TUSC3: variants seen among roughly 807,000 people sequenced by gnomAD.
TUSC3 encodes dolichyl-diphosphooligosaccharide--protein glycosyltransferase subunit TUSC3.
Under a neutral mutation model 44.8 loss-of-function variants are expected in TUSC3, and 45 were observed. That is an observed-to-expected ratio of 1.00 (90% confidence interval 0.79 to 1.29). The LOEUF (loss-of-function observed/expected upper bound fraction) is 1.29. TUSC3 is among the 50% of genes most tolerant of loss of function. TUSC3 has a pLI of 0.00. For missense variants in TUSC3, 519 were observed against 437.9 expected (o/e 1.19, Z -1.65); for synonymous variants, 212 against 152.9 (o/e 1.39, Z -2.85).
the TUSC3 span, among the ~76,000 whole-genome samples, chr8:15,843,050 G>A: frequency 2.6e-5 from 4 of 152,096 alleles, no homozygotes; most frequent in Non-Finnish European, 4.4e-5. Context: ...AGTCTCCCAA[G>A]GAAAGGAAGA....
intron 9 of TUSC3, among the ~76,000 whole-genome samples, chr8:15,754,084 G>C (rs1811820022): frequency 6.6e-6 from 1 of 152,036 alleles, no homozygotes; most frequent in Non-Finnish European, 1.5e-5. Flanking sequence ...AGCATTATAT[G>C]ACATGTTTTA....
chr8:15,577,896 A>G (rs1803178532), intron 1 of TUSC3, among the ~76,000 whole-genome samples: 1 of 150,846 alleles, frequency 6.6e-6, no homozygotes, highest in Non-Finnish European at 1.5e-5. Context: ...TCTGTAAATT[A>G]CCTTGGGCAG....
the TUSC3 span, among the ~76,000 whole-genome samples, chr8:15,796,509 T>C: frequency 1.3e-5 from 2 of 152,216 alleles, no homozygotes; most frequent in Admixed American, 6.5e-5. Flanking sequence ...GCCCACATAC[T>C]TGAGAGAACC....
At chr8:15,714,609 A>C (rs921531199) in intron 6 of TUSC3, among the ~76,000 whole-genome samples, 2 of 152,170 alleles carry the variant, frequency 1.3e-5, no homozygotes, top group African/African-American at 2.4e-5. Context: ...TAATCCAGAT[A>C]TTTCAGTACT....
At chr8:15,599,701 GTTT>G (rs143634299) in intron 1 of TUSC3, among the ~76,000 whole-genome samples, 2 of 134,032 alleles carry the variant, frequency 1.5e-5, no homozygotes, top group Admixed American at 7.4e-5. Context: ...ATTGCTTGTG[GTTT>G]TTTTTTTTTT....
In TUSC3 at chr8:15,469,070, T is replaced by C. The variant is rs576438954; in HGVS notation, n.92-14316T>C. 2.0e-5 allele frequency among the ~76,000 whole-genome samples: 3 copies of C among 152,260 alleles called. No individual in the cohort carries two copies. The South Asian group carries it at 6.2e-4, about 32-fold the overall frequency. ...GTCAGAATAAAAACGAGAAGGCTGGTAATAAAATTCCCTGGAGATAATGAG... is the reference window on the plus strand; with the variant it reads ...GTCAGAATAAAAACGAGAAGGCTGGCAATAAAATTCCCTGGAGATAATGAG... On this transcript the variant is annotated intron_variant and non_coding_transcript_variant, in intron 1 of 5. Coordinates refer to the TUSC3 transcript ENST00000503191.
At chr8:15,453,230 G>A (rs944347250) in intron 1 of TUSC3, among the ~76,000 whole-genome samples, 2 of 139,384 alleles carry the variant, frequency 1.4e-5, no homozygotes, top group Non-Finnish European at 3.1e-5. Context: ...ACATTAGCGT[G>A]GTAATGATTA....
At chr8:15,573,866 T>C (rs1802986276) in intron 1 of TUSC3, among the ~76,000 whole-genome samples, 2 of 152,038 alleles carry the variant, frequency 1.3e-5, no homozygotes, top group Admixed American at 6.6e-5. Flanking sequence ...ACATGTCATA[T>C]TGCAACTTTC....
the TUSC3 span, among the ~76,000 whole-genome samples, chr8:15,825,973 A>C: frequency 6.6e-6 from 1 of 151,590 alleles, no homozygotes; most frequent in African/African-American, 2.4e-5. Flanking sequence ...ACAGACTTGA[A>C]CACATTAAAA....
At chr8:15,455,904 C>T (rs748190999) in intron 1 of TUSC3, among the ~76,000 whole-genome samples, 1 of 152,186 alleles carries the variant, frequency 6.6e-6, no homozygotes, top group Non-Finnish European at 1.5e-5. Flanking sequence ...TGTAGCTTCC[C>T]CATTTATTCC....
chr8:15,453,308 C>T (rs1377296271), intron 1 of TUSC3, among the ~76,000 whole-genome samples: 1 of 152,104 alleles, frequency 6.6e-6, no homozygotes, highest in East Asian at 1.9e-4. Context: ...AACTCTTCTT[C>T]CTAAATTACT....
chr8:15,485,040 G>A (rs1195099871), intron 2 of TUSC3, among the ~76,000 whole-genome samples: 6 of 152,156 alleles, frequency 3.9e-5, no homozygotes, highest in Non-Finnish European at 1.5e-5. Flanking sequence ...TGCCCTAAGT[G>A]TGTCTCAGGT....
rs59524122 is a variant in TUSC3, at chr8:15,530,555, A to G, written n.189+47072A>G. Among the ~76,000 whole-genome samples, 1,408 of 152,280 alleles carry G rather than the reference A, an allele frequency of 9.2e-3. 28 individuals are homozygous for G. Among genetic ancestry groups the G allele is most frequent in the African/African-American group, 0.031 (1,309 of 41,566 alleles). On this transcript the variant is annotated intron_variant and non_coding_transcript_variant, in intron 2 of 5. Transcript: ENST00000503191. ...TCTGCCTGAGGTCACACAGCTAGTAAGAGACAGAGCAAGGAATGCAGCTCC... is the reference window on the plus strand; with the variant it reads ...TCTGCCTGAGGTCACACAGCTAGTAGGAGACAGAGCAAGGAATGCAGCTCC...
rs1811391698 is a variant in TUSC3 at position 15,745,834 on chromosome 8, T to C, written c.937+2222T>C. ...TTTATTTGCAATTGCCTTTGGAGAC[T>C]TAGTAAAAAAAATTCTTTGCCAAGG... On this transcript the variant is annotated intron_variant, in intron 8 of 10. Coordinates refer to ENST00000503731, the MANE Select transcript of TUSC3 (RefSeq NM_006765.4). Among the ~76,000 whole-genome samples, 5 of 151,986 alleles carry C rather than the reference T, an allele frequency of 3.3e-5. No homozygotes were observed. In the South Asian group the frequency reaches 1.0e-3, roughly 32 times the overall value.
In TUSC3 at chr8:15,438,128, C is replaced by G. The variant is rs1039186138; in HGVS notation, n.91+20823C>G. 5.3e-5 allele frequency among the ~76,000 whole-genome samples: 8 copies of G among 152,200 alleles called. No individual in the cohort carries two copies. In the South Asian group the frequency reaches 6.2e-4, roughly 12 times the overall value. On this transcript the variant is annotated intron_variant and non_coding_transcript_variant, in intron 1 of 5. Transcript: ENST00000503191. ...TTGGGTTTTTTGAGACGGAGTTTCACTCGTTACCCAGGCTGGAGTGCAATG... is the reference window on the plus strand; with the variant it reads ...TTGGGTTTTTTGAGACGGAGTTTCAGTCGTTACCCAGGCTGGAGTGCAATG...
chr8:15,607,528 A>G (rs901226149), intron 1 of TUSC3, among the ~76,000 whole-genome samples: 1 of 152,206 alleles, frequency 6.6e-6, no homozygotes, highest in Non-Finnish European at 1.5e-5. Context: ...ATTGTCATTA[A>G]GTAAAATTTA....
intron 6 of TUSC3, among the ~76,000 whole-genome samples, chr8:15,688,750 G>A (rs1201012244): frequency 6.6e-6 from 1 of 152,024 alleles, no homozygotes; most frequent in Non-Finnish European, 1.5e-5. Context: ...ATGCCAGGGA[G>A]GACACAGTTG....
chr8:15,499,491 G>C (rs561555840), intron 2 of TUSC3, among the ~76,000 whole-genome samples: 9 of 152,140 alleles, frequency 5.9e-5, no homozygotes, highest in African/African-American at 1.9e-4. Flanking sequence ...CTACAGAGCA[G>C]CTTTGCCTAT....
the TUSC3 span, among the ~76,000 whole-genome samples, chr8:15,848,330 A>G: frequency 5.9e-5 from 9 of 152,224 alleles, no homozygotes; most frequent in Admixed American, 4.6e-4. Flanking sequence ...CTGACAATAC[A>G]GCACCCTGTG....
Sources: gnomAD v4.1 joint callset for allele counts (sites outside exome capture counted in the v4.1 genomes callset) on GRCh38, gnomAD v4.1.1 for gene constraint, MANE v1.5 for transcripts, NCBI Gene and HGNC (gene_info 2026-07-23, HGNC 2026-07-21) for gene names.